CFAP206: variants seen among roughly 807,000 people sequenced by gnomAD.
The protein encoded by CFAP206 is cilia- and flagella-associated protein 206.
In CFAP206, 53 loss-of-function variants were observed where a neutral mutation model predicts 65.4. The observed-to-expected ratio is 0.81, with a 90% CI of 0.65 to 1.02. The LOEUF (loss-of-function observed/expected upper bound fraction) is 1.02. Ranked by LOEUF, CFAP206 falls within the 50% of genes least tolerant of loss-of-function variation. The pLI is 0.00. For missense variants in CFAP206, 663 were observed against 753.2 expected (o/e 0.88, Z 1.40); for synonymous variants, 250 against 254.4 (o/e 0.98, Z 0.17).
At chr6:87,418,102 A>G in intron 6 of CFAP206, 106 bp from the exon 7 acceptor site, 1 of 974,048 alleles carries the variant, frequency 1.0e-6, no homozygotes, top group Non-Finnish European at 1.5e-6. Flanking sequence ...TTGATTGGGG[A>G]GAAAAACCCT....
intron 10 of CFAP206, among the ~76,000 whole-genome samples, chr6:87,431,937 G>A (rs970758496): frequency 1.3e-5 from 2 of 152,122 alleles, no homozygotes; most frequent in Admixed American, 6.5e-5. Context: ...TAAGGAAATG[G>A]CTAATATCAA....
In CFAP206 at chr6:87,414,379, C is replaced by T. The variant is rs541383327; in HGVS notation, c.283+479C>T. On this transcript the variant is annotated intron_variant, in intron 4 of 12. Transcript: ENST00000369562. ...TGGCACGATCCACAGATCACTGCAA[C>T]CTCTGACTCCCATGTTGAAGCAATT... is the stretch of plus-strand genomic sequence containing the variant. Among the ~76,000 whole-genome samples the T allele has an allele frequency of 4.6e-5, 7 of 152,288 alleles. No homozygotes were observed. The East Asian group carries it at 9.7e-4, about 21-fold the overall frequency.
chr6:87,464,102 C>T lies in CFAP206; in HGVS notation c.1721C>T (p.Pro574Leu). Residue 574 changes from proline to leucine, a missense_variant, in exon 13 of 13, where the codon CCT becomes CTT. By Grantham distance (98) the Pro-to-Leu change is moderately conservative (BLOSUM62 -3). Coordinates refer to ENST00000369562, the MANE Select transcript of CFAP206 (RefSeq NM_001031743.3). ...LRRENCSQVY[P>L]PKDTSTQSMR... ...AGAGAAAATTGTTCCCAAGTGTACC[C>T]TCCAAAGGACACTAGCACCCAGTCC... The T allele has an allele frequency of 1.2e-6, 2 of 1,614,160 alleles. No individual in the cohort carries two copies. The highest frequency in any genetic ancestry group is 1.7e-6 in the Non-Finnish European group (2 of 1,180,016).
intron 11 of CFAP206, among the ~76,000 whole-genome samples, chr6:87,449,977 A>G (rs1243295943): frequency 6.6e-6 from 1 of 152,110 alleles, no homozygotes; most frequent in Non-Finnish European, 1.5e-5. Flanking sequence ...TTAAGTCTTC[A>G]TTTTGAGTCA....
intron 9 of CFAP206, among the ~76,000 whole-genome samples, chr6:87,429,802 T>C (rs1768126966): frequency 6.6e-6 from 1 of 152,060 alleles, no homozygotes. Context: ...AGATGAAAAA[T>C]AAAAATATAG....
chr6:87,433,199 A>G (rs759428682), intron 10 of CFAP206, among the ~76,000 whole-genome samples: 1 of 152,106 alleles, frequency 6.6e-6, no homozygotes, highest in Non-Finnish European at 1.5e-5. Flanking sequence ...TAAAATATCA[A>G]TTGCACACTT....
At chr6:87,415,620 C>T in intron 4 of CFAP206, 66 bp from the exon 5 acceptor site, 1 of 1,416,286 alleles carries the variant, frequency 7.1e-7, no homozygotes. Context: ...CAGTTTTTCT[C>T]TAGTTCTTAC....
intron 7 of CFAP206, among the ~76,000 whole-genome samples, chr6:87,418,917 G>T (rs1215536467): frequency 6.6e-6 from 1 of 152,024 alleles, no homozygotes; most frequent in African/African-American, 2.4e-5. Flanking sequence ...TTCAAAATCA[G>T]CCTGGCCAAC....
chr6:87,428,515 T>C, intron 8 of CFAP206, 111 bp from the exon 9 acceptor site: 1 of 966,514 alleles, frequency 1.0e-6, no homozygotes, highest in Admixed American at 2.0e-5. Flanking sequence ...GACTTTTGCT[T>C]AGGGAGAATT....
rs1265328836 is a variant in CFAP206, at chr6:87,464,169, C to G, written c.1788C>G (p.Tyr596Ter). ...DSTGVPRPQI[Y>*]LAGLRGGKSE... ...CTGGGGTGCCCAGGCCTCAGATTTA[C>G]TTGGCTGGTCTTCGTGGAGGAAAGA... Residue 596 changes from tyrosine to a stop codon, truncating the protein, a stop_gained, in exon 13 of 13, where the codon TAC becomes TAG. Coordinates refer to ENST00000369562, the MANE Select transcript of CFAP206 (RefSeq NM_001031743.3). LOFTEE classifies it high-confidence loss of function. 1 of 1,614,196 alleles carries G rather than the reference C, an allele frequency of 6.2e-7. No homozygotes were observed. The highest frequency in any genetic ancestry group is 1.1e-5 in the South Asian group (1 of 91,084).
chr6:87,431,317 C>A, intron 10 of CFAP206, 144 bp downstream of exon 10: 1 of 810,270 alleles, frequency 1.2e-6, no homozygotes, highest in Non-Finnish European at 1.9e-6. Flanking sequence ...ATGATCCAGA[C>A]AAAGTCTTCA....
rs7707 is a variant in CFAP206 at position 87,464,384 on chromosome 6, C to G, written c.*134C>G. ...TGGTTGTGTGACTGTTTATTGGGTT[C>G]CCATATTTTATCAAACTGTTTTCTG... is the stretch of plus-strand genomic sequence containing the variant. On this transcript the variant is annotated 3_prime_UTR_variant, in exon 13 of 13. Coordinates refer to ENST00000369562, the MANE Select transcript of CFAP206 (RefSeq NM_001031743.3). 0.28 allele frequency: 148,945 copies of G among 530,224 alleles called. 21,976 individuals carry two copies. Among genetic ancestry groups the G allele is most frequent in the Admixed American group, 0.4 (10,660 of 26,828 alleles). The allele number at this position is 530,224 out of a possible 1,614,324, so 32.8% of individuals were successfully genotyped here.
chr6:87,426,960 C>G (rs990753029), intron 8 of CFAP206, among the ~76,000 whole-genome samples: 1 of 152,058 alleles, frequency 6.6e-6, no homozygotes, highest in Admixed American at 6.6e-5. Flanking sequence ...CAGAAATTGC[C>G]TCCAGTACAG....
At chr6:87,410,766 A>ATGCTCAACATCACTC in intron 3 of CFAP206, 98 bp downstream of exon 3, 1 of 940,496 alleles carries the variant, frequency 1.1e-6, no homozygotes. Context: ...CATGAAACAA[A>ATGCTCAACATCACTC]AGCCCACAAA....
In CFAP206 at chr6:87,418,371, G is replaced by A. The variant is rs12528249; in HGVS notation, c.795G>A (p.Ala265=). 0.029 allele frequency: 47,375 copies of A among 1,613,996 alleles called. 833 individuals carry two copies. The highest frequency in any genetic ancestry group is 0.061 in the African/African-American group (4,584 of 74,992). The change falls in exon 7 of 13, where the codon GCG becomes GCA. Residue 265 remains alanine (A), a synonymous_variant. Transcript: ENST00000369562. ...AELQPYMLKE[A]LYNIRQYEVF... ...TTCAGCCATATATGTTAAAAGAAGC[G>A]CTATATAATATACGACAATATGAGG...
intron 7 of CFAP206, among the ~76,000 whole-genome samples, chr6:87,423,407 T>C (rs35243146): frequency 0.038 from 5,742 of 151,732 alleles, 126 homozygotes; most frequent in Middle Eastern, 0.075. Flanking sequence ...CGCCACCACG[T>C]CCGGCTAATT....
At chr6:87,458,538 A>G (rs940859824) in intron 11 of CFAP206, among the ~76,000 whole-genome samples, 1 of 152,108 alleles carries the variant, frequency 6.6e-6, no homozygotes, top group African/African-American at 2.4e-5. Flanking sequence ...GGAGAATATT[A>G]TTTTCAGTGA....
chr6:87,451,283 A>G (rs1768537972), intron 11 of CFAP206, among the ~76,000 whole-genome samples: 1 of 152,100 alleles, frequency 6.6e-6, no homozygotes. Context: ...TTCTGGGAGG[A>G]AAGGGAAGAG....
chr6:87,420,610 A>G (rs1767923028), intron 7 of CFAP206, among the ~76,000 whole-genome samples: 1 of 152,218 alleles, frequency 6.6e-6, no homozygotes, highest in Non-Finnish European at 1.5e-5. Flanking sequence ...TTCACCATGT[A>G]AATAAGGCGG....
Sources: gnomAD v4.1 joint callset for allele counts (sites outside exome capture counted in the v4.1 genomes callset) on GRCh38, gnomAD v4.1.1 for gene constraint, MANE v1.5 for transcripts, NCBI Gene and HGNC (gene_info 2026-07-23, HGNC 2026-07-21) for gene names.